ANKRD30B: variants seen among roughly 807,000 people sequenced by gnomAD.
The protein encoded by ANKRD30B is ankyrin repeat domain-containing protein 30B.
A neutral mutation model predicts 202.2 loss-of-function variants in ANKRD30B; 144 were observed. The ratio of observed to expected loss-of-function variants is 0.71; its 90% CI spans 0.62 to 0.82. The LOEUF (loss-of-function observed/expected upper bound fraction) is 0.82, where lower values mean the gene tolerates loss of function less well. Among genes scored for constraint, ANKRD30B ranks in the 40% least tolerant of loss-of-function variants. The pLI is 0.00. For synonymous variants in ANKRD30B, 508 were observed against 561.3 expected, an observed-to-expected ratio of 0.91 and a Z score of 1.34; for missense variants, 1,487 against 1,669.1, an observed-to-expected ratio of 0.89 and a Z score of 1.90.
chr18:14,829,937 C>G (rs1294339797), intron 33 of ANKRD30B, among the ~76,000 whole-genome samples: 2 of 152,108 alleles, frequency 1.3e-5, no homozygotes, highest in Non-Finnish European at 1.5e-5. Flanking sequence ...CCTCTTTTTC[C>G]AAGCCTCTGA....
chr18:14,935,544 T>C, the ANKRD30B span, among the ~76,000 whole-genome samples: 1 of 152,334 alleles, frequency 6.6e-6, no homozygotes, highest in East Asian at 1.9e-4. Context: ...GGCTCTGCTG[T>C]GGTGTGACAG....
At chr18:14,748,815 C>T (rs565338134) in intron 1 of ANKRD30B, among the ~76,000 whole-genome samples, 175 bp downstream of exon 1, 12 of 152,224 alleles carry the variant, frequency 7.9e-5, no homozygotes, top group African/African-American at 2.2e-4. Context: ...GGTCAGGCCC[C>T]CCAGGCCTGG....
chr18:14,757,784 C>T (rs773386106), intron 4 of ANKRD30B, 31 bp from the exon 5 acceptor site: 19 of 1,602,598 alleles, frequency 1.2e-5, no homozygotes, highest in Non-Finnish European at 1.5e-5. Context: ...ATTGATTCTG[C>T]TCATAATAAG....
chr18:14,827,364 T>A (rs960395002), intron 32 of ANKRD30B, among the ~76,000 whole-genome samples: 2 of 152,208 alleles, frequency 1.3e-5, no homozygotes, highest in African/African-American at 4.8e-5. Flanking sequence ...TGGACTATCA[T>A]TGACCATGAG....
chr18:14,836,840 G>A (rs9797408), intron 34 of ANKRD30B, among the ~76,000 whole-genome samples: 1 of 151,392 alleles, frequency 6.6e-6, no homozygotes, highest in South Asian at 2.1e-4. Context: ...GACTCTGCAC[G>A]TTGTCTGTCC....
chr18:14,832,122 A>G lies in ANKRD30B; in HGVS notation c.2847+667A>G, dbSNP rs539080777. On this transcript the variant is annotated intron_variant, in intron 34 of 43. Coordinates refer to ENST00000690538, the MANE Select transcript of ANKRD30B (RefSeq NM_001367607.2). Reference sequence around the variant, plus strand: ...TGCATGCCTGTAGTTCCAGCTACCAAGGAGGCTGATGCAGGAGGATTGCTT... The same window carrying G: ...TGCATGCCTGTAGTTCCAGCTACCAGGGAGGCTGATGCAGGAGGATTGCTT... 3.9e-5 allele frequency among the ~76,000 whole-genome samples: 6 copies of G among 152,308 alleles called. No individual in the cohort carries two copies. The East Asian group carries it at 9.6e-4, about 24-fold the overall frequency.
At chr18:14,808,399 A>C (rs1969672744) in intron 24 of ANKRD30B, 152 bp from the exon 25 acceptor site, 1 of 806,768 alleles carries the variant, frequency 1.2e-6, no homozygotes, top group Admixed American at 2.0e-5. Context: ...TGGCATGTTA[A>C]CAAATACAAA....
Position 14,748,579 on chromosome 18 carries a change from C to A in ANKRD30B, c.160C>A (p.Leu54Met), listed in dbSNP as rs375505832. Reference sequence around the variant, plus strand: ...TGCCTCCCGGGGCCAAGTCCAGAAGCTGGAGAAGATGACAGTAGGGAAGAA... The same window carrying A: ...TGCCTCCCGGGGCCAAGTCCAGAAGATGGAGAAGATGACAGTAGGGAAGAA... ...TAASRGQVQK[L>M]EKMTVGKKPV... Residue 54 changes from leucine to methionine, a missense_variant, in exon 1 of 44, where the codon CTG becomes ATG. Transcript: ENST00000690538. 7.0e-5 allele frequency: 109 copies of A among 1,564,210 alleles called. No homozygotes were observed. In the African/African-American group the frequency reaches 1.3e-3, roughly 19 times the overall value.
At chr18:14,847,066 AT>A (rs1568072793) in intron 39 of ANKRD30B, among the ~76,000 whole-genome samples, 1 of 29,868 alleles carries the variant, frequency 3.3e-5, no homozygotes, top group Non-Finnish European at 7.1e-5. Context: ...ATATATATAT[AT>A]ATATATATAT....
At chr18:14,907,676 C>T in the ANKRD30B span, among the ~76,000 whole-genome samples, 2 of 152,174 alleles carry the variant, frequency 1.3e-5, no homozygotes, top group East Asian at 1.9e-4. Flanking sequence ...ATCAGCATGT[C>T]CCGGATGTAG....
chr18:14,865,423 G>A, the ANKRD30B span, among the ~76,000 whole-genome samples: 1 of 146,604 alleles, frequency 6.8e-6, no homozygotes, highest in African/African-American at 2.5e-5. Context: ...TTTACCTACA[G>A]TCTTCTTTCC....
chr18:14,748,304 G>A lies in ANKRD30B; in HGVS notation c.-116G>A, dbSNP rs1052387224. The A allele has an allele frequency of 3.7e-6, 3 of 817,972 alleles. No individual in the cohort carries two copies. The highest frequency in any genetic ancestry group is 3.6e-6 in the Non-Finnish European group (2 of 551,142). The allele number at this position is 817,972 out of a possible 1,614,324, so 50.7% of individuals were successfully genotyped here. A position where few individuals can be genotyped will look rare whatever the true frequency, so the allele number is the denominator to read the frequency against. On this transcript the variant is annotated 5_prime_UTR_variant, in exon 1 of 44. Transcript: ENST00000690538. The stretch of plus-strand genomic sequence containing the variant: ...GCGGGTGCGGGAACTGAAGACGGGC[G>A]AGTGCGAGCCGGGGGCGGGTGCTGG...
Position 14,760,549 on chromosome 18 carries a change from C to G in ANKRD30B, c.756-5C>G. 7.1e-7 allele frequency: 1 copy of G among 1,405,342 alleles called. No individual in the cohort carries two copies. Among genetic ancestry groups the G allele is most frequent in the East Asian group, 2.6e-5 (1 of 39,076 alleles). The allele number at this position is 1,405,342 out of a possible 1,614,324, so 87.1% of individuals were successfully genotyped here. On this transcript the variant is annotated splice_polypyrimidine_tract_variant and splice_region_variant and intron_variant, in intron 5 of 43. Transcript: ENST00000690538. ...TAATTTTATTTATTACATTTTTATA[C>G]ATAGCATTCATCAACAACTTTTGGA... is the stretch of plus-strand genomic sequence containing the variant.
chr18:14,751,845 G>A lies in ANKRD30B; in HGVS notation c.222-721G>A, dbSNP rs140897177. ...TAATCCTGTGACTAGGACTGCCATCGTCCTGTTGTATATACCGTATTCCAC... is the reference window on the plus strand; with the variant it reads ...TAATCCTGTGACTAGGACTGCCATCATCCTGTTGTATATACCGTATTCCAC... On this transcript the variant is annotated intron_variant, in intron 1 of 43. Coordinates refer to ENST00000690538, the MANE Select transcript of ANKRD30B (RefSeq NM_001367607.2). Among the ~76,000 whole-genome samples, 350 of 132,796 alleles carry A rather than the reference G, an allele frequency of 2.6e-3. 1 individual carries two copies. The highest frequency in any genetic ancestry group is 8.8e-3 in the African/African-American group (329 of 37,418). The allele number at this position is 132,796 out of a possible 152,430, so 87.1% of individuals were successfully genotyped here.
intron 1 of ANKRD30B, among the ~76,000 whole-genome samples, chr18:14,750,546 A>G (rs9953585): frequency 0.91 from 138,478 of 152,188 alleles, 63,099 homozygotes; most frequent in Admixed American, 0.93. Context: ...TAAGTACCAT[A>G]TTTAAAAAAT....
chr18:14,754,845 T>C (rs1914075028), intron 3 of ANKRD30B, 54 bp from the exon 4 acceptor site: 3 of 1,261,308 alleles, frequency 2.4e-6, no homozygotes, highest in Non-Finnish European at 3.2e-6. Flanking sequence ...GGTATTCAGT[T>C]CAGCTGAGAA....
At chr18:14,775,093 C>T (rs138535137) in intron 9 of ANKRD30B, among the ~76,000 whole-genome samples, 11,283 of 152,238 alleles carry the variant, frequency 0.074, 554 homozygotes, top group Non-Finnish European at 0.11. Flanking sequence ...TGCCACTGCA[C>T]TCCAGCCTGG....
chr18:14,905,367 A>G, the ANKRD30B span: 2 of 152,238 alleles, frequency 1.3e-5, no homozygotes, highest in Non-Finnish European at 2.9e-5. Flanking sequence ...CATGTAAGGT[A>G]TACATTGGTT....
intron 39 of ANKRD30B, among the ~76,000 whole-genome samples, chr18:14,844,552 G>A (rs571456287): frequency 9.8e-5 from 15 of 152,286 alleles, no homozygotes; most frequent in African/African-American, 2.6e-4. Flanking sequence ...ATATGTGTGC[G>A]TGTGTCTTTA....
Sources: gnomAD v4.1 joint callset for allele counts (sites outside exome capture counted in the v4.1 genomes callset) on GRCh38, gnomAD v4.1.1 for gene constraint, MANE v1.5 for transcripts, NCBI Gene and HGNC (gene_info 2026-07-23, HGNC 2026-07-21) for gene names.